NCOA7: variants seen among roughly 807,000 people sequenced by gnomAD.
The protein encoded by NCOA7 is nuclear receptor coactivator 7.
In NCOA7, 45 loss-of-function variants were observed where a neutral mutation model predicts 104.3. The observed-to-expected ratio is 0.43, with a 90% CI of 0.34 to 0.55. The LOEUF (loss-of-function observed/expected upper bound fraction) is 0.55. NCOA7 is among the 20% of genes least tolerant of loss of function. NCOA7 has a pLI of 0.02. For synonymous variants in NCOA7, 398 were observed against 402.3 expected, an observed-to-expected ratio of 0.99 and a Z score of 0.13; for missense variants, 1,041 against 1,119.7, an observed-to-expected ratio of 0.93 and a Z score of 1.00.
rs772734406 is a variant in NCOA7, at chr6:125,889,706, T to C, written c.1652T>C (p.Ile551Thr). The C allele has an allele frequency of 1.4e-5, 23 of 1,614,118 alleles. No homozygotes were observed. The Admixed American group carries it at 3.7e-4, about 26-fold the overall frequency. Reference protein sequence around the residue: ...QKTELSDGKSIEPGGIDITLS... With the variant: ...QKTELSDGKSTEPGGIDITLS... ...ACAGAATTAAGTGATGGAAAAAGTA[T>C]TGAACCAGGGGGAATAGACATTACC... The change falls in exon 9 of 16, where the codon ATT (isoleucine) becomes ACT (threonine). Residue 551 changes from isoleucine (I) to threonine (T), a missense_variant. Ile to Thr is a moderately conservative substitution (Grantham distance 89, BLOSUM62 -1). Coordinates refer to ENST00000392477, the MANE Select transcript of NCOA7 (RefSeq NM_181782.5).
chr6:125,920,357 C>G (rs1787464793), intron 11 of NCOA7, among the ~76,000 whole-genome samples: 2 of 152,152 alleles, frequency 1.3e-5, no homozygotes, highest in African/African-American at 2.4e-5. Context: ...AAAAACTATC[C>G]TCATCACCGC....
intron 3 of NCOA7, among the ~76,000 whole-genome samples, chr6:125,859,332 A>G (rs377448821): frequency 6.6e-6 from 1 of 152,214 alleles, no homozygotes; most frequent in African/African-American, 2.4e-5. Flanking sequence ...TTGAGCTGCC[A>G]GGTAGATTTG....
chr6:125,924,378 T>C (rs1343374957), intron 13 of NCOA7, among the ~76,000 whole-genome samples: 1 of 152,234 alleles, frequency 6.6e-6, no homozygotes, highest in Non-Finnish European at 1.5e-5. Context: ...TGCTGAATCA[T>C]GTACCCTGGA....
At chr6:125,830,737 A>ATATATGTG (rs1453188613) in intron 2 of NCOA7, among the ~76,000 whole-genome samples, 13 of 93,050 alleles carry the variant, frequency 1.4e-4, no homozygotes, top group African/African-American at 5.3e-4. Context: ...ATATATATAT[A>ATATATGTG]TGTGTGTGTG....
Position 125,894,624 on chromosome 6 carries a change from A to G in NCOA7, c.2096+3814A>G, listed in dbSNP as rs1784865264. Reference sequence around the variant, plus strand: ...ATACCTTACACATTCATCATCACAGACAAGGAGAAGGCAGAAAAGCTAAAG... The same window carrying G: ...ATACCTTACACATTCATCATCACAGGCAAGGAGAAGGCAGAAAAGCTAAAG... On this transcript the variant is annotated intron_variant, in intron 10 of 15. Coordinates refer to ENST00000392477, the MANE Select transcript of NCOA7 (RefSeq NM_181782.5). Among the ~76,000 whole-genome samples the G allele has an allele frequency of 2.0e-5, 3 of 152,352 alleles. No homozygotes were observed. In the South Asian group the frequency reaches 6.2e-4, roughly 32 times the overall value.
intron 10 of NCOA7, among the ~76,000 whole-genome samples, chr6:125,905,528 C>T (rs1019709881): frequency 6.6e-6 from 1 of 152,140 alleles, no homozygotes; most frequent in Non-Finnish European, 1.5e-5. Context: ...TCCCGAAGTG[C>T]TGGGATTACA....
At chr6:125,879,247 G>T (rs1200802239) in intron 5 of NCOA7, among the ~76,000 whole-genome samples, 1 of 152,162 alleles carries the variant, frequency 6.6e-6, no homozygotes, top group Non-Finnish European at 1.5e-5. Context: ...TCCAAAACTG[G>T]TTATTGTATT....
intron 2 of NCOA7, among the ~76,000 whole-genome samples, chr6:125,852,343 G>A (rs181498885): frequency 3.0e-4 from 46 of 152,064 alleles, no homozygotes; most frequent in Non-Finnish European, 5.0e-4. Flanking sequence ...CTACAGGCAC[G>A]TGCCACCATG....
intron 4 of NCOA7, among the ~76,000 whole-genome samples, chr6:125,877,818 A>G (rs990447014): frequency 2.0e-5 from 3 of 152,224 alleles, no homozygotes; most frequent in African/African-American, 7.2e-5. Flanking sequence ...AGGAGAAAAC[A>G]TTTTGCCAGC....
intron 2 of NCOA7, among the ~76,000 whole-genome samples, chr6:125,816,758 A>C (rs891910773): frequency 6.6e-6 from 1 of 152,232 alleles, no homozygotes; most frequent in Non-Finnish European, 1.5e-5. Flanking sequence ...TAGGAAATTC[A>C]TATTGATACA....
At chr6:125,909,567 T>C (rs1243674266) in intron 10 of NCOA7, among the ~76,000 whole-genome samples, 1 of 151,944 alleles carries the variant, frequency 6.6e-6, no homozygotes, top group Non-Finnish European at 1.5e-5. Context: ...TCCCAGCACT[T>C]TGGGAGGCTG....
chr6:125,791,979 A>G (rs1774902590), intron 1 of NCOA7, among the ~76,000 whole-genome samples: 3 of 151,954 alleles, frequency 2.0e-5, no homozygotes, highest in African/African-American at 7.3e-5. Context: ...AAAATGCATC[A>G]CTGTAAGCTC....
At chr6:125,838,548 A>G (rs1215458878) in intron 2 of NCOA7, among the ~76,000 whole-genome samples, 1 of 152,138 alleles carries the variant, frequency 6.6e-6, no homozygotes, top group Non-Finnish European at 1.5e-5. Context: ...CCATCTCAAA[A>G]CATGTCAAAG....
rs1437321823 is a variant in NCOA7, at chr6:125,865,291, T to G, written c.272-9598T>G. On this transcript the variant is annotated intron_variant, in intron 3 of 15. Transcript: ENST00000392477. ...AGTAGTAGATTCTAGAGCAAAACGT[T>G]TTATAAGATTGGTAACTTCCCTGTG... Among the ~76,000 whole-genome samples, 4 of 137,898 alleles carry G rather than the reference T, an allele frequency of 2.9e-5. 1 individual carries two copies. Among genetic ancestry groups the G allele is most frequent in the South Asian group, 2.2e-4 (1 of 4,550 alleles). The allele number at this position is 137,898 out of a possible 152,430, so 90.5% of individuals were successfully genotyped here.
intron 11 of NCOA7, among the ~76,000 whole-genome samples, chr6:125,920,009 AAT>A (rs1787432085): frequency 6.6e-6 from 1 of 152,248 alleles, no homozygotes; most frequent in Non-Finnish European, 1.5e-5. Flanking sequence ...CAAGAAGCCT[AAT>A]ATACACTCTT....
intron 3 of NCOA7, among the ~76,000 whole-genome samples, chr6:125,857,116 A>G (rs1781627849): frequency 6.6e-6 from 1 of 152,234 alleles, no homozygotes; most frequent in Non-Finnish European, 1.5e-5. Context: ...ATAAAAAGCT[A>G]TAACTGTCAA....
intron 10 of NCOA7, among the ~76,000 whole-genome samples, chr6:125,898,303 TA>T (rs1785215083): frequency 2.6e-5 from 4 of 152,346 alleles, no homozygotes; most frequent in Middle Eastern, 3.4e-3. Context: ...TGCAACATTA[TA>T]AAAGCATCAG....
intron 2 of NCOA7, among the ~76,000 whole-genome samples, chr6:125,824,376 A>C (rs1455152131): frequency 6.6e-6 from 1 of 152,172 alleles, no homozygotes; most frequent in East Asian, 1.9e-4. Flanking sequence ...TTTCTTCTCT[A>C]TAGAACTACT....
In NCOA7 at chr6:125,878,409, G is replaced by A. The variant is rs755667446; in HGVS notation, c.459+39G>A. ...TACTGGATATAACTCTAGAAATTCTGCATTTATCTTTTATTGCCGTTTTCA... is the reference window on the plus strand; with the variant it reads ...TACTGGATATAACTCTAGAAATTCTACATTTATCTTTTATTGCCGTTTTCA... On this transcript the variant is annotated intron_variant, in intron 5 of 15. Transcript: ENST00000392477. The A allele has an allele frequency of 2.8e-6, 4 of 1,453,306 alleles. No individual in the cohort carries two copies. In the South Asian group the frequency reaches 3.8e-5, roughly 14 times the overall value. The allele number at this position is 1,453,306 out of a possible 1,614,324, so 90.0% of individuals were successfully genotyped here. A position where few individuals can be genotyped will look rare whatever the true frequency, so the allele number is the denominator to read the frequency against.
Sources: allele counts gnomAD v4.1 joint callset (sites outside exome capture counted in the v4.1 genomes callset), GRCh38; gene constraint gnomAD v4.1.1; transcripts MANE v1.5; gene names NCBI Gene and HGNC (gene_info 2026-07-23, HGNC 2026-07-21).